Variants in SNX8 observed in about 807,000 individuals in gnomAD.
SNX8 encodes the protein sorting nexin 8, also known as sorting nexin-8.
SNX8 carries 25 observed loss-of-function variants against 51.6 expected under a neutral mutation model. That is an observed-to-expected ratio of 0.48 (90% confidence interval 0.35 to 0.68). SNX8 has a LOEUF of 0.68. SNX8 is among the 30% of genes least tolerant of loss of function. The pLI is 0.00. For synonymous variants in SNX8, 324 were observed against 277.0 expected (o/e 1.17, Z -1.68); for missense variants, 695 against 624.0 (o/e 1.11, Z -1.21).
intron 1 of SNX8, among the ~76,000 whole-genome samples, chr7:2,331,754 A>G (rs1187833496): frequency 2.6e-5 from 4 of 151,600 alleles, no homozygotes; most frequent in Non-Finnish European, 5.9e-5. Flanking sequence ...GCATTAAAAA[A>G]CAGGAAATAC....
chr7:2,265,644 C>G (rs1325616547), intron 5 of SNX8, among the ~76,000 whole-genome samples: 1 of 152,054 alleles, frequency 6.6e-6, no homozygotes, highest in Non-Finnish European at 1.5e-5. Flanking sequence ...CAGAAAACAA[C>G]AAAAATAAAA....
intron 1 of SNX8, among the ~76,000 whole-genome samples, chr7:2,295,853 T>A (rs1796263643): frequency 6.6e-6 from 1 of 152,140 alleles, no homozygotes; most frequent in South Asian, 2.1e-4. Flanking sequence ...CTTTCCCCAG[T>A]GATATGTTTT....
intron 1 of SNX8, among the ~76,000 whole-genome samples, chr7:2,331,233 C>T (rs964761317): frequency 2.7e-5 from 4 of 147,324 alleles, no homozygotes; most frequent in African/African-American, 9.9e-5. Flanking sequence ...AAAATTAATT[C>T]ATAACCAATA....
chr7:2,347,128 C>G (rs1004655783), intron 1 of SNX8, among the ~76,000 whole-genome samples: 3 of 151,884 alleles, frequency 2.0e-5, no homozygotes, highest in Non-Finnish European at 4.4e-5. Context: ...AGTTCAAGAC[C>G]AGCTGGGGCA....
At chr7:2,261,731 C>A (rs1795341536) in intron 7 of SNX8, among the ~76,000 whole-genome samples, 1 of 152,204 alleles carries the variant, frequency 6.6e-6, no homozygotes. Context: ...AAAGGGAACA[C>A]AGAAGCACGG....
rs1044495362 is a variant in SNX8, at chr7:2,264,207, T to G, written c.782+91A>C. The G allele has an allele frequency of 3.9e-6, 5 of 1,293,410 alleles. No homozygotes were observed. The South Asian group carries it at 5.5e-5, about 14-fold the overall frequency. 80.1% of individuals were successfully genotyped at this position (1,293,410 alleles called of 1,614,324 possible). ...TGAAACAGGTCAGGATGCTGGTTATTACGGTAAACGCACTTTCCGCCCAAG... is the reference window on the plus strand; with the variant it reads ...TGAAACAGGTCAGGATGCTGGTTATGACGGTAAACGCACTTTCCGCCCAAG... On this transcript the variant is annotated intron_variant, in intron 6 of 10. Transcript: ENST00000222990.
chr7:2,263,037 T>C (rs1795374066), intron 7 of SNX8, among the ~76,000 whole-genome samples, 193 bp downstream of exon 7: 2 of 152,392 alleles, frequency 1.3e-5, no homozygotes, highest in African/African-American at 4.8e-5. Context: ...GAGAATCACT[T>C]GAACCCAGGA....
chr7:2,302,331 T>A (rs990101043), intron 1 of SNX8, among the ~76,000 whole-genome samples: 2 of 152,248 alleles, frequency 1.3e-5, no homozygotes, highest in East Asian at 1.9e-4. Flanking sequence ...TCTCAGCTCC[T>A]AACCGTGAGT....
At chr7:2,350,728 C>G (rs945224597) in intron 1 of SNX8, among the ~76,000 whole-genome samples, 1 of 152,114 alleles carries the variant, frequency 6.6e-6, no homozygotes, top group Non-Finnish European at 1.5e-5. Flanking sequence ...CTCACTGCAG[C>G]CTCTGCCTCC....
Position 2,275,204 on chromosome 7 carries a change from C to G in SNX8, c.326G>C (p.Arg109Pro). ...SQRFKSSVYRRYNDFVVFQEM... is the reference protein window; with the variant it reads ...SQRFKSSVYRPYNDFVVFQEM... ...CTGGAAGACCACGAAGTCATTGTAC[C>G]GTCTGTATACCGAGGACTTGAAGCG... The change falls in exon 3 of 11, where the codon CGG becomes CCG. Residue 109 changes from arginine (R) to proline (P), a missense_variant. By Grantham distance (103) the Arg-to-Pro change is moderately radical. Coordinates refer to ENST00000222990, the MANE Select transcript of SNX8 (RefSeq NM_013321.4). 6.2e-7 allele frequency: 1 copy of G among 1,613,800 alleles called. No homozygotes were observed. The highest frequency in any genetic ancestry group is 8.5e-7 in the Non-Finnish European group (1 of 1,179,730).
At position 2,255,024 on chromosome 7, in the gene SNX8, G is replaced by A. The variant is rs183491533; in HGVS notation, c.*32C>T. ...ACCGTTTGGAAAGAGGTTTTAGTGC[G>A]GCCGCAGGGAGCACCACCTCAGCCT... is the stretch of plus-strand genomic sequence containing the variant. On this transcript the variant is annotated 3_prime_UTR_variant, in exon 11 of 11. Transcript: ENST00000222990. 3.6e-5 allele frequency: 50 copies of A among 1,398,124 alleles called. No individual in the cohort carries two copies. The highest frequency in any genetic ancestry group is 7.4e-5 in the South Asian group (6 of 81,138). The allele number at this position is 1,398,124 out of a possible 1,614,324, so 86.6% of individuals were successfully genotyped here. A position where few individuals can be genotyped will look rare whatever the true frequency, so the allele number is the denominator to read the frequency against.
At chr7:2,312,399 C>T (rs1426606838) in intron 1 of SNX8, among the ~76,000 whole-genome samples, 2 of 152,186 alleles carry the variant, frequency 1.3e-5, no homozygotes, top group Non-Finnish European at 2.9e-5. Context: ...CCAATCACAG[C>T]CTACCTGTTC....
At chr7:2,257,045 T>G in intron 9 of SNX8, 22 bp from the exon 10 acceptor site, 2 of 1,584,746 alleles carry the variant, frequency 1.3e-6, no homozygotes, top group South Asian at 2.3e-5. Context: ...ACAGCCGCCT[T>G]TCGCACCCGG....
chr7:2,270,403 G>A (rs929264178), intron 4 of SNX8, among the ~76,000 whole-genome samples: 3 of 151,554 alleles, frequency 2.0e-5, no homozygotes, highest in Admixed American at 2.0e-4. Context: ...GAGGCGGGAG[G>A]ATCGCTGGAG....
At chr7:2,308,681 A>AG (rs1339397680) in intron 1 of SNX8, among the ~76,000 whole-genome samples, 1,868 of 151,244 alleles carry the variant, frequency 0.012, 46 homozygotes, top group African/African-American at 0.043. Context: ...AAAAAAAAAA[A>AG]AAAAAAGGGT....
chr7:2,339,209 T>C (rs903697660), intron 1 of SNX8, among the ~76,000 whole-genome samples: 62 of 151,738 alleles, frequency 4.1e-4, no homozygotes, highest in African/African-American at 1.4e-3. Context: ...CAGCCTTATT[T>C]ATTTTTTATT....
chr7:2,279,313 A>G (rs903870688), intron 1 of SNX8, among the ~76,000 whole-genome samples: 12 of 148,548 alleles, frequency 8.1e-5, no homozygotes, highest in Middle Eastern at 3.5e-3. Flanking sequence ...ACTCACTCAC[A>G]CTACGGAGTC....
chr7:2,351,655 A>C (rs1408507405), intron 1 of SNX8, among the ~76,000 whole-genome samples: 3 of 151,686 alleles, frequency 2.0e-5, no homozygotes, highest in Non-Finnish European at 2.9e-5. Context: ...ACAGGATGAA[A>C]CCCGTCTCTA....
intron 1 of SNX8, among the ~76,000 whole-genome samples, chr7:2,308,358 A>T (rs1235770813): frequency 6.6e-6 from 1 of 152,102 alleles, no homozygotes; most frequent in East Asian, 1.9e-4. Context: ...TTTGCTCATC[A>T]GGAGTTTACT....
Sources: allele counts gnomAD v4.1 joint callset (sites outside exome capture counted in the v4.1 genomes callset), GRCh38; gene constraint gnomAD v4.1.1; transcripts MANE v1.5; gene names NCBI Gene and HGNC (gene_info 2026-07-23, HGNC 2026-07-21).